The following CSPG4 variants were observed in gnomAD, a reference collection of about 807,000 sequenced individuals.
CSPG4 encodes chondroitin sulfate proteoglycan 4, also known as chondroitin sulfate proteoglycan 4 (melanoma-associated).
CSPG4 carries 74 observed loss-of-function variants against 139.3 expected under a neutral mutation model. That is an observed-to-expected ratio of 0.53 (90% CI 0.44 to 0.64). The LOEUF is 0.64. Ranked by LOEUF, CSPG4 falls within the 30% of genes least tolerant of loss-of-function variation. The pLI is 0.00. For missense variants in CSPG4, 2,565 were observed against 3,148.3 expected (o/e 0.81, Z 4.43); for synonymous variants, 1,234 against 1,394.2 (o/e 0.89, Z 2.56).
chr15:75,682,041 C>A (rs1893980807), intron 8 of CSPG4, among the ~76,000 whole-genome samples: 1 of 152,244 alleles, frequency 6.6e-6, no homozygotes. Context: ...TACCCCAAGA[C>A]CCCAGCCCTG....
chr15:75,675,829 G>A lies in CSPG4; in HGVS notation c.6690C>T (p.Cys2230=). 6.2e-7 allele frequency: 1 copy of A among 1,612,698 alleles called. No homozygotes were observed. The highest frequency in any genetic ancestry group is 1.3e-5 in the African/African-American group (1 of 75,054). The stretch of plus-strand genomic sequence containing the variant: ...TGAGCGCCAGGAGCAGAAGTACCAG[G>A]CACATGGGGATGATGACGCTGAACA... ...ANMFSVIIPM[C]LVLLLLALIL... Residue 2230 remains cysteine, a synonymous_variant, in exon 10 of 10, where the codon TGC becomes TGT. Coordinates refer to ENST00000308508, the MANE Select transcript of CSPG4 (RefSeq NM_001897.5).
Position 75,690,443 on chromosome 15 carries a change from C to G in CSPG4, c.622G>C (p.Gly208Arg). ...GGGAAGGCAGCCAGAGAGTGGGGCC[C>G]AGAGAAGCCCAGGGCCACATCATCA... The part of the protein sequence containing the change: ...ASDDVALGFS[G>R]PHSLAAFPAW... The change falls in exon 3 of 10, where the codon GGG becomes CGG. Residue 208 changes from glycine (G) to arginine (R), a missense_variant. By Grantham distance (125) the Gly-to-Arg change is moderately radical (BLOSUM62 -2). Transcript: ENST00000308508. 6.2e-7 allele frequency: 1 copy of G among 1,607,550 alleles called. No individual in the cohort carries two copies. The highest frequency in any genetic ancestry group is 8.5e-7 in the Non-Finnish European group (1 of 1,177,352).
At chr15:75,700,454 T>C (rs868116101) in intron 1 of CSPG4, among the ~76,000 whole-genome samples, 32 of 152,224 alleles carry the variant, frequency 2.1e-4, no homozygotes, top group African/African-American at 7.5e-4. Context: ...CCCTCCTCTG[T>C]GGCTCTGGGG....
chr15:75,689,587 A>G lies in CSPG4; in HGVS notation c.1478T>C (p.Met493Thr), dbSNP rs764186795. The G allele has an allele frequency of 5.6e-6, 9 of 1,612,520 alleles. No individual in the cohort carries two copies. The highest frequency in any genetic ancestry group is 2.2e-5 in the East Asian group (1 of 44,874). The part of the protein sequence containing the change: ...LDIPGAQARK[M>T]FTLLDVVNRK... Reference sequence around the variant, plus strand: ...GTTCACCACGTCCAGGAGGGTGAACATTTTTCGTGCCTGGGCTCCCGGGAT... The same window carrying G: ...GTTCACCACGTCCAGGAGGGTGAACGTTTTTCGTGCCTGGGCTCCCGGGAT... The change falls in exon 3 of 10, where the codon ATG (methionine) becomes ACG (threonine). Residue 493 changes from methionine (M) to threonine (T), a missense_variant. This residue lies in a region of CSPG4 where 2,316 missense variants were observed against 2,818.2 expected (regional missense o/e 0.82). Transcript: ENST00000308508.
chr15:75,684,660 G>A, intron 5 of CSPG4, 76 bp downstream of exon 5: 1 of 1,402,874 alleles, frequency 7.1e-7, no homozygotes, highest in South Asian at 1.3e-5. Context: ...AGCTGGGGGA[G>A]CTCTGAGCCG....
rs147929548 is a variant in CSPG4 at position 75,682,985 on chromosome 15, G to A, written c.4506C>T (p.Gly1502=). 6.2e-6 allele frequency: 10 copies of A among 1,611,186 alleles called. No homozygotes were observed. The Admixed American group carries it at 6.7e-5, about 11-fold the overall frequency. The part of the protein sequence containing the change: ...IPAEALRSTD[G]DSGSEDLVYT... ...AGACCAGATCCTCAGACCCAGAGTCGCCGTCCGTGCTCCTCAGAGCCTCCG... is the reference window on the plus strand; with the variant it reads ...AGACCAGATCCTCAGACCCAGAGTCACCGTCCGTGCTCCTCAGAGCCTCCG... The change falls in exon 6 of 10, where the codon GGC becomes GGT. Residue 1502 remains glycine (G), a synonymous_variant. Coordinates refer to ENST00000308508, the MANE Select transcript of CSPG4 (RefSeq NM_001897.5).
chr15:75,686,978 C>T (rs889081285), intron 3 of CSPG4, among the ~76,000 whole-genome samples: 8 of 152,008 alleles, frequency 5.3e-5, no homozygotes, highest in Admixed American at 6.6e-5. Flanking sequence ...TCGGGCTCCA[C>T]GTCAGAGATT....
In CSPG4 at chr15:75,690,120, G is replaced by A. The variant is rs771401221; in HGVS notation, c.945C>T (p.Tyr315=). Residue 315 remains tyrosine (Y), a synonymous_variant, in exon 3 of 10, where the codon TAC becomes TAT. Coordinates refer to ENST00000308508, the MANE Select transcript of CSPG4 (RefSeq NM_001897.5). The stretch of plus-strand genomic sequence containing the variant: ...GAAGGAGACTGCCCCGTGGCTCCAG[G>A]TAGCTGAGGACTCCTCGGTTCGAAG... ...THTSNRGVLS[Y]LEPRGSLLLG... The A allele has an allele frequency of 3.7e-6, 6 of 1,612,868 alleles. No homozygotes were observed. Among genetic ancestry groups the A allele is most frequent in the Admixed American group, 3.3e-5 (2 of 59,978 alleles).
At chr15:75,711,626 T>C (rs1462738625) in intron 1 of CSPG4, among the ~76,000 whole-genome samples, 1 of 152,282 alleles carries the variant, frequency 6.6e-6, no homozygotes, top group African/African-American at 2.4e-5. Flanking sequence ...CTTTTAGAGC[T>C]GGCTTCTCCA....
At position 75,677,024 on chromosome 15, in the gene CSPG4, G is replaced by A; in HGVS notation, c.5495C>T (p.Pro1832Leu). The A allele has an allele frequency of 1.4e-6, 2 of 1,436,832 alleles. No individual in the cohort carries two copies. Among genetic ancestry groups the A allele is most frequent in the South Asian group, 1.5e-5 (1 of 65,572 alleles). The allele number at this position is 1,436,832 out of a possible 1,614,324, so 89.0% of individuals were successfully genotyped here. ...AITVRDVNERPPQPQASVPLR... is the reference protein window; with the variant it reads ...AITVRDVNERLPQPQASVPLR... ...TGGGACAGAGGCCTGTGGCTGAGGG[G>A]GCCGCTCATTTACATCCCTCACCGT... The change falls in exon 10 of 10, where the codon CCC (proline) becomes CTC (leucine). Residue 1832 changes from proline (P) to leucine (L), a missense_variant. Pro to Leu is a moderately conservative substitution (Grantham distance 98). Coordinates refer to ENST00000308508, the MANE Select transcript of CSPG4 (RefSeq NM_001897.5).
At chr15:75,705,836 T>C (rs1030976393) in intron 1 of CSPG4, among the ~76,000 whole-genome samples, 2 of 152,128 alleles carry the variant, frequency 1.3e-5, no homozygotes, top group Non-Finnish European at 2.9e-5. Flanking sequence ...TAAAAGTGTG[T>C]GTGTGTATCT....
rs777026733 is a variant in CSPG4 at position 75,688,009 on chromosome 15, G to A, written c.3056C>T (p.Pro1019Leu). 1.9e-6 allele frequency: 3 copies of A among 1,612,060 alleles called. No homozygotes were observed. The highest frequency in any genetic ancestry group is 2.5e-6 in the Non-Finnish European group (3 of 1,179,506). The change falls in exon 3 of 10, where the codon CCT (proline) becomes CTT (leucine). Residue 1019 changes from proline (P) to leucine (L), a missense_variant. By Grantham distance (98) the Pro-to-Leu change is moderately conservative (BLOSUM62 -3). Coordinates refer to ENST00000308508, the MANE Select transcript of CSPG4 (RefSeq NM_001897.5). ...VAIQPVNDHA[P>L]VQTISRIFHV... ...GAAGATCCGGCTGATGGTCTGCACA[G>A]GGGCGTGGTCATTCACGGGCTGGAT...
chr15:75,689,113 G>T lies in CSPG4; in HGVS notation c.1952C>A (p.Pro651Gln). 1 of 1,601,430 alleles carries T rather than the reference G, an allele frequency of 6.2e-7. No homozygotes were observed. Residue 651 changes from proline to glutamine, a missense_variant, in exon 3 of 10, where the codon CCG (proline) becomes CAG (glutamine). Physicochemically the swap from Pro to Gln is moderately conservative, Grantham distance 76 (BLOSUM62 -1). This residue lies in a region of CSPG4 where 2,316 missense variants were observed against 2,818.2 expected (regional missense o/e 0.82). Transcript: ENST00000308508. ...GATGGCCACCACCTTCAGCGTGGCC[G>T]GGGGGCTGGCCTGCAGTCCATCGCT... ...RVSDGLQASP[P>Q]ATLKVVAIRP...
At position 75,677,674 on chromosome 15, in the gene CSPG4, C is replaced by T. The variant is rs760040441; in HGVS notation, c.5134+29G>A. 10 of 1,568,844 alleles carry T rather than the reference C, an allele frequency of 6.4e-6. No individual in the cohort carries two copies. The South Asian group carries it at 9.4e-5, about 15-fold the overall frequency. On this transcript the variant is annotated intron_variant, in intron 9 of 9. Transcript: ENST00000308508. ...GGGCCTCTCCCATTGTCCCTCCCCA[C>T]AATCTTGCCAGCTTATCATGCTGTT...
upstream of CSPG4, chr15:75,712,881 C>A: frequency 1.4e-6 from 1 of 729,332 alleles, no homozygotes; most frequent in Non-Finnish European, 2.1e-6. Context: ...CACTTAACTC[C>A]GGGGGCGGGG....
chr15:75,708,661 C>A (rs375854912), intron 1 of CSPG4, among the ~76,000 whole-genome samples: 2 of 152,218 alleles, frequency 1.3e-5, no homozygotes, highest in Non-Finnish European at 2.9e-5. Context: ...GAGAACACCA[C>A]GGCCTGTGTG....
intron 2 of CSPG4, among the ~76,000 whole-genome samples, chr15:75,691,733 C>T (rs1894167371): frequency 6.6e-6 from 1 of 152,124 alleles, no homozygotes; most frequent in African/African-American, 2.4e-5. Context: ...AGAAATGGCT[C>T]TGGTACGGTG....
rs754919573 is a variant in CSPG4 at position 75,675,833 on chromosome 15, A to G, written c.6686T>C (p.Met2229Thr). The G allele has an allele frequency of 8.1e-6, 13 of 1,612,432 alleles. No homozygotes were observed. The highest frequency in any genetic ancestry group is 2.2e-5 in the South Asian group (2 of 91,086). The change falls in exon 10 of 10, where the codon ATG becomes ACG. Residue 2229 changes from methionine (M) to threonine (T), a missense_variant. Transcript: ENST00000308508. ...EANMFSVIIP[M>T]CLVLLLLALI... ...CGCCAGGAGCAGAAGTACCAGGCAC[A>G]TGGGGATGATGACGCTGAACATGTT... is the stretch of plus-strand genomic sequence containing the variant.
At position 75,696,065 on chromosome 15, in the gene CSPG4, C is replaced by T. The variant is rs948807410; in HGVS notation, c.89-2832G>A. Among the ~76,000 whole-genome samples the T allele has an allele frequency of 5.9e-5, 9 of 152,252 alleles. No individual in the cohort carries two copies. Among genetic ancestry groups the T allele is most frequent in the African/African-American group, 2.2e-4 (9 of 41,536 alleles). ...TCCTGGGTCAAGAGGACCCATGATT[C>T]ATCAAAACAGCAGACCAAACCTGTA... On this transcript the variant is annotated intron_variant, in intron 1 of 9. Coordinates refer to ENST00000308508, the MANE Select transcript of CSPG4 (RefSeq NM_001897.5). The surrounding 1 kb of genome is among the most constrained non-coding windows in gnomAD (Gnocchi z 4.2).
Sources: allele counts gnomAD v4.1 joint callset (sites outside exome capture counted in the v4.1 genomes callset), GRCh38; gene constraint gnomAD v4.1.1; regional missense constraint gnomAD v4.1.1; non-coding constraint Gnocchi (gnomAD v3.1); transcripts MANE v1.5; gene names NCBI Gene and HGNC (gene_info 2026-07-23, HGNC 2026-07-21).